Variants in GRHL2 observed in about 807,000 individuals in gnomAD.
GRHL2 encodes the protein grainyhead-like protein 2 homolog.
A neutral mutation model predicts 83.8 loss-of-function variants in GRHL2; 21 were observed. The observed-to-expected ratio is 0.25, with a 90% CI of 0.18 to 0.36. The LOEUF is 0.36. GRHL2 is among the 10% of genes least tolerant of loss of function. The pLI is 1.00. For missense variants in GRHL2, 623 were observed against 781.8 expected, an observed-to-expected ratio of 0.80 and a Z score of 2.42; for synonymous variants, 280 against 278.9, an observed-to-expected ratio of 1.00 and a Z score of -0.04.
intron 8 of GRHL2, among the ~76,000 whole-genome samples, chr8:101,608,867 G>T (rs1462387400): frequency 6.7e-6 from 1 of 150,150 alleles, no homozygotes; most frequent in African/African-American, 2.5e-5. Context: ...GGCATGTAGG[G>T]TGTGTCTTCA....
intron 2 of GRHL2, among the ~76,000 whole-genome samples, chr8:101,550,586 A>G (rs1027137287): frequency 1.3e-5 from 2 of 151,314 alleles, no homozygotes; most frequent in Non-Finnish European, 2.9e-5. Flanking sequence ...TAATGCCTTT[A>G]AAAAAATTGT....
intron 15 of GRHL2, 142 bp downstream of exon 15, chr8:101,664,660 A>G (rs112721121): frequency 2.1e-5 from 14 of 676,628 alleles, no homozygotes; most frequent in Non-Finnish European, 2.9e-5. Context: ...AGAATTGCAG[A>G]GGAGATTGCA....
At chr8:101,514,393 A>C (rs1810526548) in intron 1 of GRHL2, among the ~76,000 whole-genome samples, 1 of 152,196 alleles carries the variant, frequency 6.6e-6, no homozygotes, top group South Asian at 2.1e-4. Flanking sequence ...AAGGGAATGC[A>C]CCTGTGAGGG....
intron 1 of GRHL2, among the ~76,000 whole-genome samples, chr8:101,541,150 GTGTGTGT>G (rs1811146071): frequency 6.6e-4 from 2 of 3,010 alleles, no homozygotes; most frequent in Non-Finnish European, 2.7e-3. Context: ...ATTTCATGGT[GTGTGTGT>G]GTGTGTGTGT....
At chr8:101,543,459 T>G (rs928093748) in intron 2 of GRHL2, 23 bp downstream of exon 2, 3 of 1,609,432 alleles carry the variant, frequency 1.9e-6, no homozygotes, top group Non-Finnish European at 1.7e-6. Context: ...CCTCCACTTT[T>G]CTCTTCTTCC....
In GRHL2 at chr8:101,667,021, A is replaced by G. The variant is rs987600783; in HGVS notation, c.*318A>G. The G allele has an allele frequency of 6.4e-6, 3 of 467,612 alleles. No homozygotes were observed. The Admixed American group carries it at 9.9e-5, about 15-fold the overall frequency. 29.0% of individuals were successfully genotyped at this position (467,612 alleles called of 1,614,324 possible). On this transcript the variant is annotated 3_prime_UTR_variant, in exon 16 of 16. Transcript: ENST00000646743. ...CTCTGCAGGTCACTGCTAGCTCCAG[A>G]TGAGACCGTCCAGCGTTCCCCCTTC...
intron 8 of GRHL2, among the ~76,000 whole-genome samples, chr8:101,611,968 G>A (rs1486458020): frequency 4.0e-5 from 6 of 150,640 alleles, no homozygotes; most frequent in Admixed American, 4.0e-4. Context: ...TGGCTGCATT[G>A]TTGAGCTCTC....
chr8:101,662,323 G>C (rs111982360), intron 14 of GRHL2, among the ~76,000 whole-genome samples: 7 of 152,156 alleles, frequency 4.6e-5, no homozygotes. Context: ...TGTCAGGCCC[G>C]CTACTTGGTC....
At chr8:101,583,258 T>G (rs992734627) in intron 7 of GRHL2, among the ~76,000 whole-genome samples, 1 of 152,106 alleles carries the variant, frequency 6.6e-6, no homozygotes, top group Non-Finnish European at 1.5e-5. Flanking sequence ...CAGTGAGGGA[T>G]GGACTGGCAA....
chr8:101,540,669 GGC>G (rs1420516418), intron 1 of GRHL2, among the ~76,000 whole-genome samples: 1 of 151,988 alleles, frequency 6.6e-6, no homozygotes. Context: ...GCACACAAAG[GGC>G]CCTTGACACA....
intron 1 of GRHL2, among the ~76,000 whole-genome samples, chr8:101,538,234 T>C (rs1447292141): frequency 6.6e-6 from 1 of 152,198 alleles, no homozygotes; most frequent in African/African-American, 2.4e-5. Flanking sequence ...CAGCAAAGCA[T>C]TCCTGCATTT....
rs34421761 is a variant in GRHL2 at position 101,545,443 on chromosome 8, GAAAAAAAAAAAAAA to G, written c.216+2023_216+2036del. Among the ~76,000 whole-genome samples the G allele has an allele frequency of 3.7e-4, 22 of 58,910 alleles. 1 individual carries two copies. The highest frequency in any genetic ancestry group is 3.9e-4 in the African/African-American group (6 of 15,274). 38.6% of individuals were successfully genotyped at this position (58,910 alleles called of 152,430 possible). A position where few individuals can be genotyped will look rare whatever the true frequency, so the allele number is the denominator to read the frequency against. The stretch of plus-strand genomic sequence containing the variant: ...TTCTCTACAGTGAAGGGGAATTCCT[GAAAAAAAAAAAAAA>G]AAAAAAAAAAAAAAAGTCTGAAAAC... On this transcript the variant is annotated intron_variant, in intron 2 of 15. Transcript: ENST00000646743.
chr8:101,594,611 G>A (rs1285740166), intron 7 of GRHL2, among the ~76,000 whole-genome samples: 3 of 152,250 alleles, frequency 2.0e-5, no homozygotes, highest in Non-Finnish European at 2.9e-5. Flanking sequence ...TTTGAGAGTC[G>A]TGAAGTGGGA....
chr8:101,619,568 A>G lies in GRHL2; in HGVS notation c.1128A>G (p.Thr376=). The G allele has an allele frequency of 6.2e-7, 1 of 1,613,916 alleles. No individual in the cohort carries two copies. The highest frequency in any genetic ancestry group is 8.5e-7 in the Non-Finnish European group (1 of 1,179,920). ...TCATCACCGTGAATTGCTTGAGCAC[A>G]GATTTCTCCTCCCAAAAAGGGGTGA... The part of the protein sequence containing the change: ...KIFITVNCLS[T]DFSSQKGVKG... Residue 376 remains threonine (T), a synonymous_variant, in exon 9 of 16, where the codon ACA becomes ACG. Coordinates refer to ENST00000646743, the MANE Select transcript of GRHL2 (RefSeq NM_024915.4).
At chr8:101,567,765 A>C (rs371571627) in intron 4 of GRHL2, among the ~76,000 whole-genome samples, 1 of 152,194 alleles carries the variant, frequency 6.6e-6, no homozygotes, top group Non-Finnish European at 1.5e-5. Flanking sequence ...GATTTGTAGT[A>C]TCATACCTTC....
chr8:101,574,190 C>T (rs1337851501), intron 6 of GRHL2, among the ~76,000 whole-genome samples: 2 of 152,184 alleles, frequency 1.3e-5, no homozygotes, highest in Admixed American at 1.3e-4. Context: ...GAGCTTTGTT[C>T]TATTCTGTAA....
At chr8:101,613,921 G>A (rs1029849023) in intron 8 of GRHL2, among the ~76,000 whole-genome samples, 3 of 150,864 alleles carry the variant, frequency 2.0e-5, no homozygotes, top group Admixed American at 1.3e-4. Flanking sequence ...TCTTAAAAGT[G>A]CAAAATACAG....
At chr8:101,518,267 G>A (rs986072388) in intron 1 of GRHL2, among the ~76,000 whole-genome samples, 17 of 152,202 alleles carry the variant, frequency 1.1e-4, no homozygotes, top group African/African-American at 3.4e-4. Context: ...AAAATTAGCC[G>A]GGCGTGATGG....
chr8:101,521,732 A>T (rs1296587342), intron 1 of GRHL2, among the ~76,000 whole-genome samples: 1 of 152,202 alleles, frequency 6.6e-6, no homozygotes, highest in Non-Finnish European at 1.5e-5. Context: ...ATTTTTTATT[A>T]CATCTTTATA....
Sources: gnomAD v4.1 joint callset for allele counts (sites outside exome capture counted in the v4.1 genomes callset) on GRCh38, gnomAD v4.1.1 for gene constraint, MANE v1.5 for transcripts, NCBI Gene and HGNC (gene_info 2026-07-23, HGNC 2026-07-21) for gene names.